Variants in ANKS1B observed in about 807,000 individuals in gnomAD.
ANKS1B encodes ankyrin repeat and sterile alpha motif domain-containing protein 1B.
Under a neutral mutation model 148.3 loss-of-function variants are expected in ANKS1B, and 36 were observed. The observed-to-expected ratio is 0.24, with a 90% CI of 0.19 to 0.32. The LOEUF (loss-of-function observed/expected upper bound fraction) is 0.32. ANKS1B is among the 10% of genes least tolerant of loss of function. ANKS1B has a pLI of 1.00. For missense variants in ANKS1B, 1,157 were observed against 1,542.6 expected, an observed-to-expected ratio of 0.75 and a Z score of 4.19; for synonymous variants, 542 against 560.8, an observed-to-expected ratio of 0.97 and a Z score of 0.47.
chr12:98,976,010 G>C (rs2099894912), intron 17 of ANKS1B, among the ~76,000 whole-genome samples: 1 of 152,190 alleles, frequency 6.6e-6, no homozygotes, highest in South Asian at 2.1e-4. Context: ...CATAGTAATA[G>C]ATGAAGGATA....
intron 17 of ANKS1B, among the ~76,000 whole-genome samples, chr12:98,924,148 G>T (rs2099804991): frequency 1.3e-5 from 2 of 152,174 alleles, no homozygotes; most frequent in Admixed American, 6.5e-5. Context: ...TTAAAGCAGG[G>T]ATGAGCAACT....
Position 99,401,129 on chromosome 12 carries a change from T to G in ANKS1B, c.1576-1318A>C, listed in dbSNP as rs766083655. Among the ~76,000 whole-genome samples, 8 of 146,336 alleles carry G rather than the reference T, an allele frequency of 5.5e-5. 2 individuals carry two copies. The highest frequency in any genetic ancestry group is 1.2e-4 in the Non-Finnish European group (8 of 66,176). ...AGAGAGTGCAAGTCATTTATTATTA[T>G]GACACATCAACTCAGTAATAGAATT... On this transcript the variant is annotated intron_variant, in intron 11 of 26. Transcript: ENST00000683438.
rs10539640 is a variant in ANKS1B at position 99,812,511 on chromosome 12, C to CCACACA, written c.216-206_216-201dup. ...TTACCTGGAAAACCATCACCCCATG[C>CCACACA]CACACACACACACACACACACACAC... On this transcript the variant is annotated intron_variant, in intron 2 of 26. Transcript: ENST00000683438. Among the ~76,000 whole-genome samples, 1,095 of 126,052 alleles carry CCACACA rather than the reference C, an allele frequency of 8.7e-3. 9 individuals carry two copies. The highest frequency in any genetic ancestry group is 0.012 in the Non-Finnish European group (733 of 60,442). The allele number at this position is 126,052 out of a possible 152,430, so 82.7% of individuals were successfully genotyped here.
intron 12 of ANKS1B, among the ~76,000 whole-genome samples, chr12:99,374,500 G>A (rs1364962444): frequency 6.6e-6 from 1 of 152,176 alleles, no homozygotes; most frequent in Admixed American, 6.5e-5. Flanking sequence ...TGTACCCTGA[G>A]CTGCAAAGAT....
chr12:99,934,240 G>A (rs906947837), intron 1 of ANKS1B, among the ~76,000 whole-genome samples: 3 of 151,816 alleles, frequency 2.0e-5, no homozygotes, highest in Admixed American at 2.0e-4. Context: ...TTCTTTTTTT[G>A]ATGTATCTTT....
intron 14 of ANKS1B, among the ~76,000 whole-genome samples, chr12:99,171,805 T>C (rs1402983927): frequency 6.6e-6 from 1 of 152,130 alleles, no homozygotes; most frequent in Admixed American, 6.6e-5. Flanking sequence ...AGTGTTTGAA[T>C]CCCCATTGAG....
At chr12:99,323,758 C>A (rs2085770404) in intron 12 of ANKS1B, among the ~76,000 whole-genome samples, 1 of 152,112 alleles carries the variant, frequency 6.6e-6, no homozygotes, top group Non-Finnish European at 1.5e-5. Context: ...AGAAAGTGAG[C>A]TATTGACTGT....
intron 1 of ANKS1B, among the ~76,000 whole-genome samples, chr12:99,948,303 A>G (rs1464830082): frequency 6.6e-6 from 1 of 152,122 alleles, no homozygotes; most frequent in Non-Finnish European, 1.5e-5. Context: ...GAAAGAAATC[A>G]AGGAAAAAGT....
chr12:98,948,947 C>CTTTTTT lies in ANKS1B; in HGVS notation c.2778+104204_2778+104209dup, dbSNP rs869145338. On this transcript the variant is annotated intron_variant, in intron 17 of 26. Transcript: ENST00000683438. ...AGGGGTGAGATATGAGCATGAGCTA[C>CTTTTTT]TTTTTTTTTTTTTTTTTTTTTTTGA... 3.4e-4 allele frequency among the ~76,000 whole-genome samples: 29 copies of CTTTTTT among 84,862 alleles called. 4 individuals are homozygous for CTTTTTT. The highest frequency in any genetic ancestry group is 5.4e-4 in the Admixed American group (4 of 7,380). The allele number at this position is 84,862 out of a possible 152,430, so 55.7% of individuals were successfully genotyped here. A position where few individuals can be genotyped will look rare whatever the true frequency, so the allele number is the denominator to read the frequency against.
intron 12 of ANKS1B, among the ~76,000 whole-genome samples, chr12:99,303,536 T>A (rs551606335): frequency 2.2e-4 from 34 of 151,990 alleles, no homozygotes; most frequent in African/African-American, 5.5e-4. Flanking sequence ...TAGACAAATT[T>A]AAAAAAAATC....
At chr12:99,508,096 GTTC>G (rs1009010824) in intron 9 of ANKS1B, among the ~76,000 whole-genome samples, 33 of 151,752 alleles carry the variant, frequency 2.2e-4, no homozygotes, top group African/African-American at 5.6e-4. Flanking sequence ...AAATGCTCTA[GTTC>G]TTCTGTGATT....
intron 14 of ANKS1B, among the ~76,000 whole-genome samples, chr12:99,202,635 T>A (rs1218263586): frequency 6.6e-6 from 1 of 152,232 alleles, no homozygotes; most frequent in African/African-American, 2.4e-5. Flanking sequence ...TACAGACAGC[T>A]CTTATGCCAC....
At chr12:99,593,630 G>A (rs930699890) in intron 9 of ANKS1B, among the ~76,000 whole-genome samples, 2 of 152,028 alleles carry the variant, frequency 1.3e-5, no homozygotes, top group African/African-American at 4.8e-5. Context: ...CAATCGAAGC[G>A]ATAAAGAAGG....
intron 25 of ANKS1B, among the ~76,000 whole-genome samples, chr12:98,759,576 ATTTAT>A (rs1016085585): frequency 1.3e-5 from 2 of 152,174 alleles, no homozygotes; most frequent in Admixed American, 1.3e-4. Flanking sequence ...AAGGTAATTA[ATTTAT>A]TTTAACTGGT....
intron 9 of ANKS1B, among the ~76,000 whole-genome samples, chr12:99,540,905 AAG>A (rs1419872078): frequency 1.3e-5 from 2 of 152,064 alleles, no homozygotes; most frequent in Non-Finnish European, 2.9e-5. Flanking sequence ...AACAAAAAAA[AAG>A]AGAGAGAAGA....
At chr12:99,832,464 T>C (rs1324969005) in intron 1 of ANKS1B, among the ~76,000 whole-genome samples, 2 of 151,792 alleles carry the variant, frequency 1.3e-5, no homozygotes, top group Non-Finnish European at 2.9e-5. Flanking sequence ...CGGCGGGTGC[T>C]TGTAATCCCA....
rs555494704 is a variant in ANKS1B at position 99,523,989 on chromosome 12, C to T, written c.1273-19348G>A. On this transcript the variant is annotated intron_variant, in intron 9 of 26. Transcript: ENST00000683438. Reference sequence around the variant, plus strand: ...AGTTACCTGAATATATTCACTGCTTCCTGAATTTTTTCTGATAATGGGGGA... The same window carrying T: ...AGTTACCTGAATATATTCACTGCTTTCTGAATTTTTTCTGATAATGGGGGA... Among the ~76,000 whole-genome samples the T allele has an allele frequency of 1.2e-4, 19 of 152,252 alleles. 1 individual carries two copies. In the South Asian group the frequency reaches 3.5e-3, roughly 28 times the overall value.
chr12:98,876,454 G>A (rs2099690372), intron 17 of ANKS1B, among the ~76,000 whole-genome samples: 1 of 152,168 alleles, frequency 6.6e-6, no homozygotes. Context: ...ATCAATTAAT[G>A]TAATTGAACA....
At chr12:99,120,676 C>T (rs987715431) in intron 15 of ANKS1B, among the ~76,000 whole-genome samples, 2 of 152,134 alleles carry the variant, frequency 1.3e-5, no homozygotes, top group African/African-American at 4.8e-5. Context: ...GGAGACAACG[C>T]TGACATTCAG....
Sources: gnomAD v4.1 joint callset for allele counts (sites outside exome capture counted in the v4.1 genomes callset) on GRCh38, gnomAD v4.1.1 for gene constraint, MANE v1.5 for transcripts, NCBI Gene and HGNC (gene_info 2026-07-23, HGNC 2026-07-21) for gene names.